SOWAHA: variants seen among roughly 807,000 people sequenced by gnomAD.
SOWAHA encodes the protein ankyrin repeat domain-containing protein SOWAHA.
Under a neutral mutation model 21.1 loss-of-function variants are expected in SOWAHA, and 17 were observed. The ratio of observed to expected loss-of-function variants is 0.80; its 90% CI spans 0.55 to 1.21. SOWAHA has a LOEUF of 1.21. Ranked by LOEUF, SOWAHA falls within the 50% of genes most tolerant of loss-of-function variation. The pLI, the probability that SOWAHA is intolerant of heterozygous loss-of-function variation, is 0.00. For missense variants in SOWAHA, 862 were observed against 816.0 expected, an observed-to-expected ratio of 1.06 and a Z score of -0.69; for synonymous variants, 422 against 397.1, an observed-to-expected ratio of 1.06 and a Z score of -0.75.
rs566990199 is a variant in SOWAHA at position 132,813,630 on chromosome 5, G to GGCCGCCGCCGCCGCCGCCGCCGCC, written c.26_27insCGCCGCCGCCGCCGCCGCCGCCGC (p.Ala5_Ala12dup). 3.0e-6 allele frequency: 4 copies of GGCCGCCGCCGCCGCCGCCGCCGCC among 1,349,564 alleles called. No homozygotes were observed. The highest frequency in any genetic ancestry group is 2.8e-6 in the Non-Finnish European group (3 of 1,054,526). The allele number at this position is 1,349,564 out of a possible 1,614,324, so 83.6% of individuals were successfully genotyped here. On this transcript the variant is annotated inframe_insertion, in exon 1 of 1. Coordinates refer to ENST00000378693, the MANE Select transcript of SOWAHA (RefSeq NM_175873.6). ...GAACCCAGGGCCCCACCATGGCGCT[G>GGCCGCCGCCGCCGCCGCCGCCGCC]GCCGCCGCCGCCGCCGCTGCGGCTG... is the stretch of plus-strand genomic sequence containing the variant.
chr5:132,813,507 G>A lies in SOWAHA; in HGVS notation c.-115G>A, dbSNP rs576841033. Reference sequence around the variant, plus strand: ...CCAGCTTCGGGGACACGCCCGGCTGGCCGCGGGGAAGGCACCAGGTGAGCG... The same window carrying A: ...CCAGCTTCGGGGACACGCCCGGCTGACCGCGGGGAAGGCACCAGGTGAGCG... On this transcript the variant is annotated 5_prime_UTR_variant, in exon 1 of 1. Coordinates refer to ENST00000378693, the MANE Select transcript of SOWAHA (RefSeq NM_175873.6). The A allele has an allele frequency of 5.7e-5, 39 of 678,822 alleles. 1 individual carries two copies. In the South Asian group the frequency reaches 2.3e-3, roughly 40 times the overall value. The allele number at this position is 678,822 out of a possible 1,614,324, so 42.0% of individuals were successfully genotyped here.
chr5:132,814,548 G>T lies in SOWAHA; in HGVS notation c.927G>T (p.Pro309=). The change falls in exon 1 of 1, where the codon CCG becomes CCT. Residue 309 remains proline (P), a synonymous_variant. Coordinates refer to ENST00000378693, the MANE Select transcript of SOWAHA (RefSeq NM_175873.6). ...APPPSAVPLE[P]SEHEWLVRTA... is the part of the protein sequence containing the mutation. Reference sequence around the variant, plus strand: ...CGCCGTCCGCGGTGCCCCTGGAGCCGTCCGAGCACGAGTGGCTCGTGCGGA... The same window carrying T: ...CGCCGTCCGCGGTGCCCCTGGAGCCTTCCGAGCACGAGTGGCTCGTGCGGA... 1 of 1,410,496 alleles carries T rather than the reference G, an allele frequency of 7.1e-7. No homozygotes were observed. The highest frequency in any genetic ancestry group is 9.2e-7 in the Non-Finnish European group (1 of 1,091,884). 87.4% of individuals were successfully genotyped at this position (1,410,496 alleles called of 1,614,324 possible).
rs1170569167 is a variant in SOWAHA, at chr5:132,814,969, G to T, written c.1348G>T (p.Asp450Tyr). Residue 450 changes from aspartate (D) to tyrosine (Y), a missense_variant, in exon 1 of 1, where the codon GAT becomes TAT. Physicochemically the swap from Asp to Tyr is radical, Grantham distance 160. Coordinates refer to ENST00000378693, the MANE Select transcript of SOWAHA (RefSeq NM_175873.6). ...AGGCCTGCGAGGCACCACGGAGCCA[G>T]ATGCGACCGGTGGTGGAAGTGGCAG... ...DPGLRGTTEP[D>Y]ATGGGSGSLA... 2.5e-6 allele frequency: 4 copies of T among 1,586,680 alleles called. No individual in the cohort carries two copies. The highest frequency in any genetic ancestry group is 3.4e-6 in the Non-Finnish European group (4 of 1,167,316).
At position 132,814,717 on chromosome 5, in the gene SOWAHA, G is replaced by A; in HGVS notation, c.1096G>A (p.Val366Met). Residue 366 changes from valine (V) to methionine (M), a missense_variant, in exon 1 of 1, where the codon GTG becomes ATG. Coordinates refer to ENST00000378693, the MANE Select transcript of SOWAHA (RefSeq NM_175873.6). Reference protein sequence around the residue: ...SGDGEMALQLVEVARRSGAPV... With the variant: ...SGDGEMALQLMEVARRSGAPV... ...CGACGGCGAGATGGCGCTGCAGCTGGTGGAGGTCGCGCGGCGCAGTGGCGC... is the reference window on the plus strand; with the variant it reads ...CGACGGCGAGATGGCGCTGCAGCTGATGGAGGTCGCGCGGCGCAGTGGCGC... The A allele has an allele frequency of 1.3e-6, 2 of 1,512,076 alleles. No individual in the cohort carries two copies. Among genetic ancestry groups the A allele is most frequent in the Non-Finnish European group, 1.8e-6 (2 of 1,134,524 alleles). The allele number at this position is 1,512,076 out of a possible 1,614,324, so 93.7% of individuals were successfully genotyped here.
chr5:132,814,256 C>G lies in SOWAHA; in HGVS notation c.635C>G (p.Pro212Arg). 4 of 1,530,520 alleles carry G rather than the reference C, an allele frequency of 2.6e-6. No individual in the cohort carries two copies. The highest frequency in any genetic ancestry group is 2.1e-4 in the Middle Eastern group (1 of 4,764). 94.8% of individuals were successfully genotyped at this position (1,530,520 alleles called of 1,614,324 possible). Reference sequence around the variant, plus strand: ...GGGCCCGGGGCAGCGAAAGGGCCGCCGCAGCAGAAGCCCTGTATGCTGCCG... The same window carrying G: ...GGGCCCGGGGCAGCGAAAGGGCCGCGGCAGCAGAAGCCCTGTATGCTGCCG... ...EPGPGAAKGP[P>R]QQKPCMLPVR... Residue 212 changes from proline to arginine, a missense_variant, in exon 1 of 1, where the codon CCG becomes CGG. Physicochemically the swap from Pro to Arg is moderately radical, Grantham distance 103. Transcript: ENST00000378693.
In SOWAHA at chr5:132,814,905, C is replaced by G. The variant is rs1023540568; in HGVS notation, c.1284C>G (p.Pro428=). 13 of 1,543,842 alleles carry G rather than the reference C, an allele frequency of 8.4e-6. No individual in the cohort carries two copies. The highest frequency in any genetic ancestry group is 1.0e-5 in the Non-Finnish European group (12 of 1,144,728). ...SGRRAYQYLR[P]GSSYALRRLL... is the part of the protein sequence containing the mutation. ...GTCGCGCCTACCAGTACCTGCGGCC[C>G]GGCTCCTCGTACGCGCTGCGCCGCC... Residue 428 remains proline, a synonymous_variant, in exon 1 of 1, where the codon CCC becomes CCG. Transcript: ENST00000378693.
chr5:132,813,668 A>C lies in SOWAHA; in HGVS notation c.47A>C (p.Gln16Pro). 1 of 1,474,076 alleles carries C rather than the reference A, an allele frequency of 6.8e-7. No individual in the cohort carries two copies. The highest frequency in any genetic ancestry group is 9.0e-7 in the Non-Finnish European group (1 of 1,113,038). 91.3% of individuals were successfully genotyped at this position (1,474,076 alleles called of 1,614,324 possible). A position where few individuals can be genotyped will look rare whatever the true frequency, so the allele number is the denominator to read the frequency against. The change falls in exon 1 of 1, where the codon CAG becomes CCG. Residue 16 changes from glutamine (Q) to proline (P), a missense_variant. Gln to Pro is a moderately conservative substitution (Grantham distance 76, BLOSUM62 -1). Transcript: ENST00000378693. ...GCCGCTGCGGCTGCCGGGGTGAGCC[A>C]GGCGGCGGTGCTGGGCTTCCTGCAG... The part of the protein sequence containing the change: ...AAAAAAAGVS[Q>P]AAVLGFLQEH...
chr5:132,815,075 A>G lies in SOWAHA; in HGVS notation c.1454A>G (p.Asp485Gly). Residue 485 changes from aspartate (D) to glycine (G), a missense_variant, in exon 1 of 1, where the codon GAC becomes GGC. Physicochemically the swap from Asp to Gly is moderately conservative, Grantham distance 94 (BLOSUM62 -1). Transcript: ENST00000378693. ...AGTGCATTTCTGGGCGTCCTGGCTG[A>G]CGACCTCATGCTCCAGGACCTGGCC... Reference protein sequence around the residue: ...TTSAFLGVLADDLMLQDLARG... With the variant: ...TTSAFLGVLAGDLMLQDLARG... 7.4e-6 allele frequency: 12 copies of G among 1,612,768 alleles called. No individual in the cohort carries two copies. The highest frequency in any genetic ancestry group is 1.0e-5 in the Non-Finnish European group (12 of 1,179,196).
chr5:132,815,188 C>T lies in SOWAHA; in HGVS notation c.1567C>T (p.Leu523=). 1.9e-6 allele frequency: 3 copies of T among 1,613,974 alleles called. No individual in the cohort carries two copies. Among genetic ancestry groups the T allele is most frequent in the Non-Finnish European group, 1.7e-6 (2 of 1,180,030 alleles). The change falls in exon 1 of 1, where the codon CTG becomes TTG. Residue 523 remains leucine, a synonymous_variant. Coordinates refer to ENST00000378693, the MANE Select transcript of SOWAHA (RefSeq NM_175873.6). ...PRKKTKIRGG[L]PAFSEISRRP... ...TAAAAAGACAAAGATCCGCGGTGGT[C>T]TGCCAGCCTTCTCAGAAATCTCTCG... is the stretch of plus-strand genomic sequence containing the variant.
Position 132,814,460 on chromosome 5 carries a change from G to T in SOWAHA, c.839G>T (p.Arg280Leu), listed in dbSNP as rs1267289274. The T allele has an allele frequency of 2.1e-6, 3 of 1,452,166 alleles. No individual in the cohort carries two copies. The highest frequency in any genetic ancestry group is 2.7e-5 in the Admixed American group (1 of 36,996). 90.0% of individuals were successfully genotyped at this position (1,452,166 alleles called of 1,614,324 possible). The change falls in exon 1 of 1, where the codon CGC (arginine) becomes CTC (leucine). Residue 280 changes from arginine (R) to leucine (L), a missense_variant. Physicochemically the swap from Arg to Leu is moderately radical, Grantham distance 102. Transcript: ENST00000378693. Reference sequence around the variant, plus strand: ...CCGGGCCGCTCCCCGCACCTGAGGCGCCTGTCGCGCGCCGGCCCGCGTCTG... The same window carrying T: ...CCGGGCCGCTCCCCGCACCTGAGGCTCCTGTCGCGCGCCGGCCCGCGTCTG... ...LGPGRSPHLR[R>L]LSRAGPRLLS...
Position 132,814,867 on chromosome 5 carries a change from G to T in SOWAHA, c.1246G>T (p.Asp416Tyr). The change falls in exon 1 of 1, where the codon GAT becomes TAT. Residue 416 changes from aspartate to tyrosine, a missense_variant. Coordinates refer to ENST00000378693, the MANE Select transcript of SOWAHA (RefSeq NM_175873.6). ...VRLGAQVHVRDHSGRRAYQYL... is the reference protein window; with the variant it reads ...VRLGAQVHVRYHSGRRAYQYL... Reference sequence around the variant, plus strand: ...TCTGGGTGCCCAGGTGCACGTGCGTGATCACAGCGGGCGTCGCGCCTACCA... The same window carrying T: ...TCTGGGTGCCCAGGTGCACGTGCGTTATCACAGCGGGCGTCGCGCCTACCA... The T allele has an allele frequency of 6.5e-7, 1 of 1,527,884 alleles. No individual in the cohort carries two copies. Among genetic ancestry groups the T allele is most frequent in the South Asian group, 1.2e-5 (1 of 83,384 alleles). 94.6% of individuals were successfully genotyped at this position (1,527,884 alleles called of 1,614,324 possible). A position where few individuals can be genotyped will look rare whatever the true frequency, so the allele number is the denominator to read the frequency against.
rs956210588 is a variant in SOWAHA at position 132,813,944 on chromosome 5, C to T, written c.323C>T (p.Thr108Met). 1 of 1,545,814 alleles carries T rather than the reference C, an allele frequency of 6.5e-7. No homozygotes were observed. The highest frequency in any genetic ancestry group is 8.7e-7 in the Non-Finnish European group (1 of 1,145,210). ...GCCCAGCCGTCGAAACCCACTTCGACGGTCTTGCCGCGGAGCGCCTCTGCC... is the reference window on the plus strand; with the variant it reads ...GCCCAGCCGTCGAAACCCACTTCGATGGTCTTGCCGCGGAGCGCCTCTGCC... ...AAAQPSKPTS[T>M]VLPRSASAPG... Residue 108 changes from threonine (T) to methionine (M), a missense_variant, in exon 1 of 1, where the codon ACG becomes ATG. By Grantham distance (81) the Thr-to-Met change is moderately conservative. Coordinates refer to ENST00000378693, the MANE Select transcript of SOWAHA (RefSeq NM_175873.6).
Position 132,813,856 on chromosome 5 carries a change from C to G in SOWAHA, c.235C>G (p.Leu79Val). Residue 79 changes from leucine (L) to valine (V), a missense_variant, in exon 1 of 1, where the codon CTG becomes GTG. Transcript: ENST00000378693. ...GCTCGACGGCGTCAAGTTCGTGGTG[C>G]TGAGGAAGAAGCCCCGGCCCCCGGA... ...KELDGVKFVV[L>V]RKKPRPPEPE... 1 of 1,549,136 alleles carries G rather than the reference C, an allele frequency of 6.5e-7. No homozygotes were observed. Among genetic ancestry groups the G allele is most frequent in the Non-Finnish European group, 8.7e-7 (1 of 1,146,228 alleles).
At position 132,814,873 on chromosome 5, in the gene SOWAHA, A is replaced by G. The variant is rs1365800768; in HGVS notation, c.1252A>G (p.Ser418Gly). 1.3e-6 allele frequency: 2 copies of G among 1,533,340 alleles called. No homozygotes were observed. The highest frequency in any genetic ancestry group is 1.8e-6 in the Non-Finnish European group (2 of 1,139,496). The allele number at this position is 1,533,340 out of a possible 1,614,324, so 95.0% of individuals were successfully genotyped here. ...LGAQVHVRDH[S>G]GRRAYQYLRP... ...TGCCCAGGTGCACGTGCGTGATCAC[A>G]GCGGGCGTCGCGCCTACCAGTACCT... The change falls in exon 1 of 1, where the codon AGC (serine) becomes GGC (glycine). Residue 418 changes from serine (S) to glycine (G), a missense_variant. Physicochemically the swap from Ser to Gly is moderately conservative, Grantham distance 56 (BLOSUM62 0). Transcript: ENST00000378693.
Position 132,814,032 on chromosome 5 carries a change from G to A in SOWAHA, c.411G>A (p.Leu137=). ...TGGAGCCGCCAGGGGACCTGGGTCTGCCAACAGAGCCACAGGACACCCCGG... is the reference window on the plus strand; with the variant it reads ...TGGAGCCGCCAGGGGACCTGGGTCTACCAACAGAGCCACAGGACACCCCGG... The part of the protein sequence containing the change: ...RPVEPPGDLG[L]PTEPQDTPGG... Residue 137 remains leucine, a synonymous_variant, in exon 1 of 1, where the codon CTG becomes CTA. Transcript: ENST00000378693. 1 of 1,550,876 alleles carries A rather than the reference G, an allele frequency of 6.4e-7. No homozygotes were observed. The highest frequency in any genetic ancestry group is 8.7e-7 in the Non-Finnish European group (1 of 1,152,696).
rs899018760 is a variant in SOWAHA at position 132,813,612 on chromosome 5, G to A, written c.-10G>A. 26 of 1,309,924 alleles carry A rather than the reference G, an allele frequency of 2.0e-5. 1 individual carries two copies. In the East Asian group the frequency reaches 7.7e-4, roughly 39 times the overall value. 81.1% of individuals were successfully genotyped at this position (1,309,924 alleles called of 1,614,324 possible). Reference sequence around the variant, plus strand: ...ACCCGCCCCGGGAGCCAGGAACCCAGGGCCCCACCATGGCGCTGGCCGCCG... The same window carrying A: ...ACCCGCCCCGGGAGCCAGGAACCCAAGGCCCCACCATGGCGCTGGCCGCCG... On this transcript the variant is annotated 5_prime_UTR_variant, in exon 1 of 1. Transcript: ENST00000378693.
Position 132,814,330 on chromosome 5 carries a change from C to T in SOWAHA, c.709C>T (p.Pro237Ser), listed in dbSNP as rs1283973555. Residue 237 changes from proline to serine, a missense_variant, in exon 1 of 1, where the codon CCC becomes TCC. Transcript: ENST00000378693. ...CACGCTCCGCCTCCGGGCGGAGGAG[C>T]CCGGCCTGCGCCGGCAGCTGTCGGA... ...PATLRLRAEE[P>S]GLRRQLSEEP... The T allele has an allele frequency of 2.3e-5, 34 of 1,484,406 alleles. No homozygotes were observed. Among genetic ancestry groups the T allele is most frequent in the Non-Finnish European group, 2.8e-5 (31 of 1,127,026 alleles). The allele number at this position is 1,484,406 out of a possible 1,614,324, so 92.0% of individuals were successfully genotyped here.
At position 132,814,952 on chromosome 5, in the gene SOWAHA, G is replaced by T. The variant is rs1315658612; in HGVS notation, c.1331G>T (p.Arg444Leu). Residue 444 changes from arginine to leucine, a missense_variant, in exon 1 of 1, where the codon CGA (arginine) becomes CTA (leucine). Physicochemically the swap from Arg to Leu is moderately radical, Grantham distance 102. Coordinates refer to ENST00000378693, the MANE Select transcript of SOWAHA (RefSeq NM_175873.6). ...CGCCTTCTTGGCGATCCAGGCCTGC[G>T]AGGCACCACGGAGCCAGATGCGACC... is the stretch of plus-strand genomic sequence containing the variant. ...LRRLLGDPGL[R>L]GTTEPDATGG... 1.9e-6 allele frequency: 3 copies of T among 1,577,308 alleles called. No individual in the cohort carries two copies. The highest frequency in any genetic ancestry group is 1.7e-6 in the Non-Finnish European group (2 of 1,162,724).
rs1294480320 is a variant in SOWAHA, at chr5:132,813,886, G to A, written c.265G>A (p.Glu89Lys). The change falls in exon 1 of 1, where the codon GAG (glutamate) becomes AAG (lysine). Residue 89 changes from glutamate (E) to lysine (K), a missense_variant. Glu to Lys is a moderately conservative substitution (Grantham distance 56). Transcript: ENST00000378693. ...LRKKPRPPEP[E>K]PAPFGPPGAA... The stretch of plus-strand genomic sequence containing the variant: ...GAAGAAGCCCCGGCCCCCGGAGCCC[G>A]AGCCCGCACCCTTCGGCCCCCCGGG... The A allele has an allele frequency of 3.2e-6, 5 of 1,547,924 alleles. No homozygotes were observed. The highest frequency in any genetic ancestry group is 4.4e-6 in the Non-Finnish European group (5 of 1,145,952).
Sources: gnomAD v4.1 joint callset for allele counts on GRCh38, gnomAD v4.1.1 for gene constraint, MANE v1.5 for transcripts, NCBI Gene and HGNC (gene_info 2026-07-23, HGNC 2026-07-21) for gene names.